The following SCG3 variants were observed in gnomAD, a reference collection of about 807,000 sequenced individuals.
SCG3 encodes the protein secretogranin-3.
Under a neutral mutation model 56.2 loss-of-function variants are expected in SCG3, and 38 were observed. The ratio of observed to expected loss-of-function variants is 0.68; its 90% CI spans 0.52 to 0.89. The LOEUF is 0.89. SCG3 is among the 40% of genes least tolerant of loss of function. SCG3 has a pLI of 0.00. For synonymous variants in SCG3, 176 were observed against 184.2 expected (o/e 0.96, Z 0.36); for missense variants, 524 against 540.7 (o/e 0.97, Z 0.31).
At chr15:51,683,055 G>C (rs770408741) in intron 2 of SCG3, 24 bp from the exon 3 acceptor site, 3 of 1,597,522 alleles carry the variant, frequency 1.9e-6, no homozygotes, top group African/African-American at 2.7e-5. Context: ...TTTAAACCAA[G>C]TCTATCTCCT....
chr15:51,690,937 A>C (rs1263485308), intron 6 of SCG3, among the ~76,000 whole-genome samples: 1 of 152,216 alleles, frequency 6.6e-6, no homozygotes, highest in Non-Finnish European at 1.5e-5. Flanking sequence ...TGAAGCTCAA[A>C]GTCTAGTGGA....
At chr15:51,709,707 T>TA (rs1567222348) in intron 10 of SCG3, among the ~76,000 whole-genome samples, 1 of 22,110 alleles carries the variant, frequency 4.5e-5, no homozygotes, top group Non-Finnish European at 8.5e-5. Flanking sequence ...ATATATTTTT[T>TA]TTTTTTTTTT....
chr15:51,698,880 G>A (rs527888279), intron 8 of SCG3, among the ~76,000 whole-genome samples: 4 of 152,302 alleles, frequency 2.6e-5, no homozygotes, highest in African/African-American at 9.6e-5. Flanking sequence ...TATAGCCCAG[G>A]TCATGGAAGA....
At chr15:51,684,065 A>T (rs1223283771) in intron 4 of SCG3, among the ~76,000 whole-genome samples, 6 of 152,354 alleles carry the variant, frequency 3.9e-5, no homozygotes, top group Middle Eastern at 6.8e-3. Flanking sequence ...CTCTTAGAGT[A>T]CTGTTTCTTT....
chr15:51,715,580 A>G (rs2055449295), intron 11 of SCG3, among the ~76,000 whole-genome samples: 1 of 152,148 alleles, frequency 6.6e-6, no homozygotes, highest in Non-Finnish European at 1.5e-5. Flanking sequence ...GCTTTTAAAA[A>G]GCGAATCACA....
At chr15:51,697,132 C>CTGTG (rs3078107) in intron 8 of SCG3, among the ~76,000 whole-genome samples, 14,851 of 145,742 alleles carry the variant, frequency 0.1, 800 homozygotes, top group Non-Finnish European at 0.11. Flanking sequence ...AGATGTTATT[C>CTGTG]TGTGTGTGTG....
chr15:51,712,348 T>C (rs2055425698), intron 10 of SCG3, among the ~76,000 whole-genome samples: 1 of 152,118 alleles, frequency 6.6e-6, no homozygotes, highest in Admixed American at 6.5e-5. Context: ...GAAAGCCTCT[T>C]TTTGTAAGCC....
intron 6 of SCG3, among the ~76,000 whole-genome samples, chr15:51,691,465 C>T (rs1299029790): frequency 1.3e-5 from 2 of 152,060 alleles, no homozygotes; most frequent in African/African-American, 2.4e-5. Context: ...ATGAAGGCTG[C>T]TTGGACTAGA....
At chr15:51,716,943 G>A (rs2055460399) in intron 11 of SCG3, among the ~76,000 whole-genome samples, 1 of 152,206 alleles carries the variant, frequency 6.6e-6, no homozygotes, top group Non-Finnish European at 1.5e-5. Flanking sequence ...TTGCTAGAGT[G>A]GGCCTGGTAT....
intron 6 of SCG3, among the ~76,000 whole-genome samples, chr15:51,691,856 G>GA (rs1373746990): frequency 2.0e-5 from 3 of 152,024 alleles, no homozygotes; most frequent in Admixed American, 6.6e-5. Context: ...GGAGACTCAT[G>GA]ATAATTTATG....
chr15:51,711,282 T>G (rs1278049575), intron 10 of SCG3, among the ~76,000 whole-genome samples: 5 of 152,238 alleles, frequency 3.3e-5, no homozygotes, highest in Non-Finnish European at 5.9e-5. Flanking sequence ...CTCTCCTAAT[T>G]TGGAATTTTT....
At chr15:51,705,589 T>C (rs1477181673) in intron 10 of SCG3, among the ~76,000 whole-genome samples, 1 of 151,980 alleles carries the variant, frequency 6.6e-6, no homozygotes, top group African/African-American at 2.4e-5. Context: ...TGGTGTGATA[T>C]CTGCTCACTG....
chr15:51,704,233 A>T (rs1246863685), intron 10 of SCG3, among the ~76,000 whole-genome samples: 2 of 62,776 alleles, frequency 3.2e-5, no homozygotes, highest in Non-Finnish European at 6.6e-5. Context: ...GTGTGTATAC[A>T]TACATACATA....
intron 4 of SCG3, among the ~76,000 whole-genome samples, chr15:51,687,405 A>G (rs899948059): frequency 1.2e-4 from 18 of 152,204 alleles, no homozygotes; most frequent in African/African-American, 4.1e-4. Context: ...GAGATGACTA[A>G]TAATTGATTC....
intron 6 of SCG3, 48 bp from the exon 7 acceptor site, chr15:51,692,111 C>T: frequency 1.3e-6 from 2 of 1,521,486 alleles, no homozygotes; most frequent in Non-Finnish European, 1.8e-6. Context: ...TGGAGTTTCA[C>T]TAGTTCTAAC....
In SCG3 at chr15:51,719,885, G is replaced by C. The variant is rs1319676468; in HGVS notation, c.*359G>C. ...CTCCCCGAAGAATTAAGGGGGTTCT[G>C]TTTTCAAGGCATGCCAAGTACTAAA... On this transcript the variant is annotated 3_prime_UTR_variant, in exon 12 of 12. Coordinates refer to ENST00000220478, the MANE Select transcript of SCG3 (RefSeq NM_013243.4). The C allele has an allele frequency of 1.7e-5, 3 of 176,728 alleles. No homozygotes were observed. Among genetic ancestry groups the C allele is most frequent in the African/African-American group, 7.1e-5 (3 of 42,258 alleles). 10.9% of individuals were successfully genotyped at this position (176,728 alleles called of 1,614,324 possible).
At chr15:51,693,723 G>A (rs1158061759) in intron 7 of SCG3, 1 of 152,136 alleles carries the variant, frequency 6.6e-6, no homozygotes, top group East Asian at 1.9e-4. Flanking sequence ...TTTCATTTCT[G>A]GAGAACATCC....
At chr15:51,703,584 C>T (rs977830551) in intron 10 of SCG3, among the ~76,000 whole-genome samples, 4 of 152,030 alleles carry the variant, frequency 2.6e-5, no homozygotes, top group Admixed American at 1.3e-4. Flanking sequence ...TATTCTATAC[C>T]CACTCTGAAT....
chr15:51,715,541 G>A (rs1478505157), intron 11 of SCG3, among the ~76,000 whole-genome samples: 2 of 152,118 alleles, frequency 1.3e-5, no homozygotes. Context: ...AGGATAATGA[G>A]AAAATCTTAT....
Sources: gnomAD v4.1 joint callset for allele counts (sites outside exome capture counted in the v4.1 genomes callset) on GRCh38, gnomAD v4.1.1 for gene constraint, MANE v1.5 for transcripts, NCBI Gene and HGNC (gene_info 2026-07-23, HGNC 2026-07-21) for gene names.